ABHD2: variants seen among roughly 807,000 people sequenced by gnomAD.
The protein encoded by ABHD2 is abhydrolase domain containing 2, acylglycerol lipase.
In ABHD2, 20 loss-of-function variants were observed where a neutral mutation model predicts 48.1. The ratio of observed to expected loss-of-function variants is 0.42; its 90% confidence interval spans 0.29 to 0.60. ABHD2 has a LOEUF of 0.60. ABHD2 is among the 20% of genes least tolerant of loss of function. The pLI is 0.24. For synonymous variants in ABHD2, 209 were observed against 214.2 expected, an observed-to-expected ratio of 0.98 and a Z score of 0.21; for missense variants, 405 against 550.9, an observed-to-expected ratio of 0.74 and a Z score of 2.65.
chr15:89,104,831 A>G lies in ABHD2; in HGVS notation c.-106-8894A>G, dbSNP rs1315336442. On this transcript the variant is annotated intron_variant, in intron 1 of 10. Coordinates refer to ENST00000352732, the MANE Select transcript of ABHD2 (RefSeq NM_152924.5). This position sits in a 1 kb window ranked among gnomAD's most constrained non-coding sequence, Gnocchi z 4.4. ...ATCTCTATGGTGCCCAGGACAATCA[A>G]TCTGGAGATGCCCTCTTCTTCAGTT... 2.0e-5 allele frequency among the ~76,000 whole-genome samples: 3 copies of G among 152,222 alleles called. No homozygotes were observed. Among genetic ancestry groups the G allele is most frequent in the East Asian group, 1.9e-4 (1 of 5,194 alleles).
Position 89,117,567 on chromosome 15 carries a change from G to A in ABHD2, c.194+1046G>A, listed in dbSNP as rs1377607270. 2.0e-5 allele frequency among the ~76,000 whole-genome samples: 3 copies of A among 152,210 alleles called. No homozygotes were observed. The South Asian group carries it at 6.2e-4, about 32-fold the overall frequency. On this transcript the variant is annotated intron_variant, in intron 3 of 10. Transcript: ENST00000352732. ...TTTGTCATGCTGCTTCACTCGCTTT[G>A]TGCTTTTTCAAGCTTACTCCATTCT...
At chr15:89,067,051 G>C in the ABHD2 span, among the ~76,000 whole-genome samples, 1 of 152,300 alleles carries the variant, frequency 6.6e-6, no homozygotes, top group African/African-American at 2.4e-5. Context: ...GTGAATTGAT[G>C]GTGGGGCCCC....
At chr15:89,159,707 G>A (rs1265096168) in intron 5 of ABHD2, among the ~76,000 whole-genome samples, 1 of 152,156 alleles carries the variant, frequency 6.6e-6, no homozygotes, top group East Asian at 1.9e-4. Context: ...TTGGAGATGA[G>A]GTGAATCCAT....
At chr15:89,053,157 G>C in the ABHD2 span, among the ~76,000 whole-genome samples, 1 of 151,910 alleles carries the variant, frequency 6.6e-6, no homozygotes, top group African/African-American at 2.4e-5. Flanking sequence ...TAGTAGAGAC[G>C]GGGTTTCACT....
At chr15:89,105,703 A>T (rs2049773700) in intron 1 of ABHD2, among the ~76,000 whole-genome samples, 1 of 152,148 alleles carries the variant, frequency 6.6e-6, no homozygotes, top group Non-Finnish European at 1.5e-5. Context: ...TGTTATGGTA[A>T]CCCACTCCCG....
At chr15:89,061,926 C>T in the ABHD2 span, among the ~76,000 whole-genome samples, 1 of 152,154 alleles carries the variant, frequency 6.6e-6, no homozygotes, top group Non-Finnish European at 1.5e-5. Context: ...ATATTAATAG[C>T]TGCCTAACTA....
chr15:89,078,648 A>G, the ABHD2 span, among the ~76,000 whole-genome samples: 2 of 152,042 alleles, frequency 1.3e-5, no homozygotes, highest in South Asian at 4.1e-4. Context: ...TGGGTCCCAA[A>G]TCTTTCAGAA....
rs74032718 is a variant in ABHD2 at position 89,108,783 on chromosome 15, G to A, written c.-106-4942G>A. Among the ~76,000 whole-genome samples, 313 of 152,354 alleles carry A rather than the reference G, an allele frequency of 2.1e-3. 3 individuals carry two copies. Among genetic ancestry groups the A allele is most frequent in the African/African-American group, 7.3e-3 (305 of 41,582 alleles). On this transcript the variant is annotated intron_variant, in intron 1 of 10. Coordinates refer to ENST00000352732, the MANE Select transcript of ABHD2 (RefSeq NM_152924.5). ...TGAAGAAAGAACAAAGGCCCTGAGGGTTGTTAGTTCTTAAGAATTTTACTG... is the reference window on the plus strand; with the variant it reads ...TGAAGAAAGAACAAAGGCCCTGAGGATTGTTAGTTCTTAAGAATTTTACTG...
At chr15:89,107,817 A>C (rs1006801629) in intron 1 of ABHD2, among the ~76,000 whole-genome samples, 5 of 152,132 alleles carry the variant, frequency 3.3e-5, no homozygotes, top group Admixed American at 1.3e-4. Flanking sequence ...TAGGACCCAT[A>C]AGTATCAAAG....
intron 3 of ABHD2, among the ~76,000 whole-genome samples, chr15:89,132,317 A>T (rs986919696): frequency 9.2e-5 from 14 of 152,214 alleles, no homozygotes; most frequent in East Asian, 3.9e-4. Context: ...ATTATGTAAC[A>T]TGCCCATAGA....
chr15:89,125,863 T>C (rs1034240550), intron 3 of ABHD2, among the ~76,000 whole-genome samples: 1 of 152,172 alleles, frequency 6.6e-6, no homozygotes, highest in African/African-American at 2.4e-5. Flanking sequence ...ATCCACCTTC[T>C]CTAACCTAGA....
At chr15:89,192,782 C>T (rs2051328696) in intron 9 of ABHD2, among the ~76,000 whole-genome samples, 1 of 152,224 alleles carries the variant, frequency 6.6e-6, no homozygotes, top group African/African-American at 2.4e-5. Flanking sequence ...CTTGTGGGCT[C>T]AAGCAGTCCT....
chr15:89,042,237 C>A, the ABHD2 span, among the ~76,000 whole-genome samples: 2 of 152,156 alleles, frequency 1.3e-5, no homozygotes, highest in Non-Finnish European at 2.9e-5. Flanking sequence ...TGAACCCTGG[C>A]AGCCTGGATC....
chr15:89,118,257 C>T (rs1311934002), intron 3 of ABHD2, among the ~76,000 whole-genome samples: 1 of 151,914 alleles, frequency 6.6e-6, no homozygotes, highest in Non-Finnish European at 1.5e-5. Flanking sequence ...GATCTCAGCT[C>T]ACTGTAACCT....
chr15:89,116,457 C>T lies in ABHD2; in HGVS notation c.130C>T (p.Leu44Phe). 6.2e-7 allele frequency: 1 copy of T among 1,614,254 alleles called. No homozygotes were observed. The highest frequency in any genetic ancestry group is 1.1e-5 in the South Asian group (1 of 91,086). Residue 44 changes from leucine (L) to phenylalanine (F), a missense_variant, in exon 3 of 11, where the codon CTC (leucine) becomes TTC (phenylalanine). Leu to Phe is a conservative substitution (Grantham distance 22, BLOSUM62 0). Transcript: ENST00000352732. The surrounding 1 kb of genome is among the most constrained non-coding windows in gnomAD (Gnocchi z 4.6). The part of the protein sequence containing the change: ...NLKSPTAPPD[L>F]YFQDSGLSRF... ...GAAGAGCCCCACAGCCCCACCTGACCTCTACTTCCAGGACTCGGGGCTCTC... is the reference window on the plus strand; with the variant it reads ...GAAGAGCCCCACAGCCCCACCTGACTTCTACTTCCAGGACTCGGGGCTCTC...
At chr15:89,056,650 T>C in the ABHD2 span, among the ~76,000 whole-genome samples, 4 of 151,586 alleles carry the variant, frequency 2.6e-5, no homozygotes, top group East Asian at 1.9e-4. Context: ...CTCAAAAAAA[T>C]AAAATAAAAA....
rs1226598935 is a variant in ABHD2 at position 89,091,693 on chromosome 15, C to G, written c.-107+3130C>G. ...CCTAAAATCTGGCTCTTTTAAAAGC[C>G]CCAGGAGAGAGACATTTCCAATATA... On this transcript the variant is annotated intron_variant, in intron 1 of 10. Transcript: ENST00000352732. This position sits in a 1 kb window ranked among gnomAD's most constrained non-coding sequence, Gnocchi z 5.5. Among the ~76,000 whole-genome samples, 2 of 152,088 alleles carry G rather than the reference C, an allele frequency of 1.3e-5. No individual in the cohort carries two copies. Among genetic ancestry groups the G allele is most frequent in the Non-Finnish European group, 2.9e-5 (2 of 68,030 alleles).
At position 89,176,354 on chromosome 15, in the gene ABHD2, G is replaced by A. The variant is rs190151558; in HGVS notation, c.722+359G>A. On this transcript the variant is annotated intron_variant, in intron 6 of 10. Transcript: ENST00000352732. The surrounding 1 kb of genome is among the most constrained non-coding windows in gnomAD (Gnocchi z 4.5). ...ATGAAAGAGCACAGGAGACTGGCAAGCTGGGATCTGAAAGCTGGGCCTTGG... is the reference window on the plus strand; with the variant it reads ...ATGAAAGAGCACAGGAGACTGGCAAACTGGGATCTGAAAGCTGGGCCTTGG... 8.5e-4 allele frequency among the ~76,000 whole-genome samples: 129 copies of A among 152,320 alleles called. No homozygotes were observed. Among genetic ancestry groups the A allele is most frequent in the African/African-American group, 3.0e-3 (124 of 41,554 alleles).
chr15:89,053,058 C>T, the ABHD2 span, among the ~76,000 whole-genome samples: 1 of 151,518 alleles, frequency 6.6e-6, no homozygotes, highest in African/African-American at 2.4e-5. Flanking sequence ...ACCTCTGCCT[C>T]CCGGGTTCAA....
Sources: allele counts gnomAD v4.1 joint callset (sites outside exome capture counted in the v4.1 genomes callset), GRCh38; gene constraint gnomAD v4.1.1; non-coding constraint Gnocchi (gnomAD v3.1); transcripts MANE v1.5; gene names NCBI Gene and HGNC (gene_info 2026-07-23, HGNC 2026-07-21).